The following LIMD1 variants were observed in gnomAD, a reference collection of about 807,000 sequenced individuals.
LIMD1 encodes LIM domain-containing protein 1.
LIMD1 carries 23 observed loss-of-function variants against 58.4 expected under a neutral mutation model. That is an observed-to-expected ratio of 0.39 (90% confidence interval 0.28 to 0.56). The LOEUF (loss-of-function observed/expected upper bound fraction) is 0.56, where lower values mean the gene tolerates loss of function less well. Ranked by LOEUF, LIMD1 falls within the 20% of genes least tolerant of loss-of-function variation. The probability of loss-of-function intolerance (pLI) is 0.57; values close to 1 mark genes in which losing one functional copy is unlikely to be tolerated. For missense variants in LIMD1, 838 were observed against 855.5 expected (o/e 0.98, Z 0.25); for synonymous variants, 334 against 345.5 (o/e 0.97, Z 0.37).
At chr3:45,616,483 C>T (rs1448557879) in intron 1 of LIMD1, among the ~76,000 whole-genome samples, 3 of 152,164 alleles carry the variant, frequency 2.0e-5, no homozygotes, top group Admixed American at 6.5e-5. Flanking sequence ...TCAGTGCCCC[C>T]GACCCCTTCT....
intron 1 of LIMD1, among the ~76,000 whole-genome samples, chr3:45,627,874 G>A: frequency 6.6e-6 from 1 of 151,970 alleles, no homozygotes; most frequent in South Asian, 2.1e-4. Context: ...GAGGCATGGT[G>A]TTGCACGCCT....
intron 1 of LIMD1, among the ~76,000 whole-genome samples, chr3:45,622,491 G>A (rs1179779861): frequency 6.6e-6 from 1 of 151,934 alleles, no homozygotes; most frequent in African/African-American, 2.4e-5. Context: ...TTATAAAATA[G>A]AACAATTATA....
intron 2 of LIMD1, among the ~76,000 whole-genome samples, chr3:45,654,812 C>CAAAAAAAAA (rs1227980901): frequency 7.8e-4 from 44 of 56,438 alleles, no homozygotes; most frequent in African/African-American, 1.5e-3. Context: ...GACCCTGTCT[C>CAAAAAAAAA]AAAAAAAAAA....
rs1697701209 is a variant in LIMD1 at position 45,678,598 on chromosome 3, A to C, written c.*1539A>C. On this transcript the variant is annotated 3_prime_UTR_variant, in exon 8 of 8. Transcript: ENST00000273317. ...AGAAGCTGCAAAAGAAAGGCAGCCC[A>C]TTTTACCATTGCCAGCCAGGCCGGG... 1.3e-5 allele frequency: 2 copies of C among 152,268 alleles called. No individual in the cohort carries two copies. Among genetic ancestry groups the C allele is most frequent in the Admixed American group, 6.5e-5 (1 of 15,286 alleles). The allele number at this position is 152,268 out of a possible 1,614,324, so 9.4% of individuals were successfully genotyped here. A position where few individuals can be genotyped will look rare whatever the true frequency, so the allele number is the denominator to read the frequency against.
intron 1 of LIMD1, among the ~76,000 whole-genome samples, chr3:45,633,708 A>G (rs1701759401): frequency 6.6e-6 from 1 of 152,188 alleles, no homozygotes; most frequent in Non-Finnish European, 1.5e-5. Flanking sequence ...AATTTCTCCA[A>G]TGGTCAATGT....
chr3:45,635,960 G>A (rs1701783312), intron 1 of LIMD1, 190 bp from the exon 2 acceptor site: 1 of 985,212 alleles, frequency 1.0e-6, no homozygotes, highest in Admixed American at 6.1e-5. Flanking sequence ...CAGCCTGGTA[G>A]CTGTTTTCTG....
intron 2 of LIMD1, among the ~76,000 whole-genome samples, chr3:45,649,030 G>C (rs779414228): frequency 2.0e-5 from 3 of 152,140 alleles, no homozygotes; most frequent in Non-Finnish European, 4.4e-5. Flanking sequence ...CAGCACAAAG[G>C]CTTTAAATTT....
At chr3:45,676,172 G>A (rs1697667279) in intron 7 of LIMD1, among the ~76,000 whole-genome samples, 1 of 152,032 alleles carries the variant, frequency 6.6e-6, no homozygotes, top group Admixed American at 6.5e-5. Flanking sequence ...AACGGGGGAG[G>A]TGGATGTTGC....
chr3:45,643,416 C>T (rs570007467), intron 2 of LIMD1, among the ~76,000 whole-genome samples: 11 of 151,244 alleles, frequency 7.3e-5, no homozygotes, highest in African/African-American at 2.7e-4. Context: ...ACCCAGGAGG[C>T]GGAGTTTTCA....
In LIMD1 at chr3:45,679,095, T is replaced by C. The variant is rs938065041; in HGVS notation, c.*2036T>C. 1.3e-5 allele frequency: 2 copies of C among 152,222 alleles called. No individual in the cohort carries two copies. The highest frequency in any genetic ancestry group is 2.4e-5 in the African/African-American group (1 of 41,454). 9.4% of individuals were successfully genotyped at this position (152,222 alleles called of 1,614,324 possible). A position where few individuals can be genotyped will look rare whatever the true frequency, so the allele number is the denominator to read the frequency against. On this transcript the variant is annotated 3_prime_UTR_variant, in exon 8 of 8. Transcript: ENST00000273317. ...GTCAACCTAAGAATGTTGGCCTTAC[T>C]GACACACCTTTGCTCCATGTTCAAG...
intron 1 of LIMD1, among the ~76,000 whole-genome samples, chr3:45,600,900 C>CA (rs968576193): frequency 1.3e-5 from 2 of 151,918 alleles, no homozygotes; most frequent in African/African-American, 4.8e-5. Context: ...CCCATCTCTA[C>CA]AAAAAACACA....
chr3:45,627,664 A>G (rs1319080750), intron 1 of LIMD1, among the ~76,000 whole-genome samples: 1 of 142,386 alleles, frequency 7.0e-6, no homozygotes, highest in Non-Finnish European at 1.5e-5. Flanking sequence ...CATTCTAAAG[A>G]TGGAGCATCA....
At chr3:45,660,405 CTTTTTTTTTTTTT>C (rs869301368) in intron 2 of LIMD1, among the ~76,000 whole-genome samples, 3 of 80,000 alleles carry the variant, frequency 3.7e-5, no homozygotes, top group African/African-American at 4.7e-5. Flanking sequence ...GGTGGGCTGT[CTTTTTTTTTTTTT>C]TTTTTTTTTT....
chr3:45,637,857 G>T (rs115100469), intron 2 of LIMD1, among the ~76,000 whole-genome samples: 4,598 of 152,314 alleles, frequency 0.03, 75 homozygotes, highest in Non-Finnish European at 0.041. Flanking sequence ...ACACATGCCT[G>T]AGAGTTTATG....
At chr3:45,623,163 C>G (rs918439750) in intron 1 of LIMD1, among the ~76,000 whole-genome samples, 2 of 152,204 alleles carry the variant, frequency 1.3e-5, no homozygotes, top group African/African-American at 4.8e-5. Context: ...TAGCAAGGAA[C>G]ACCTTTTTGA....
intron 5 of LIMD1, among the ~76,000 whole-genome samples, 183 bp from the exon 6 acceptor site, chr3:45,673,271 C>G (rs542969079): frequency 6.6e-6 from 1 of 152,158 alleles, no homozygotes; most frequent in Non-Finnish European, 1.5e-5. Flanking sequence ...CTCATTGCAG[C>G]TGGGGAGCAA....
chr3:45,636,080 A>G (rs142891193), intron 1 of LIMD1, 70 bp from the exon 2 acceptor site: 46,583 of 1,602,964 alleles, frequency 0.029, 841 homozygotes, highest in Non-Finnish European at 0.034. Flanking sequence ...TGCTTTGTTC[A>G]TTGGCTTTTT....
chr3:45,626,323 A>C (rs148127636), intron 1 of LIMD1, among the ~76,000 whole-genome samples: 2 of 152,324 alleles, frequency 1.3e-5, no homozygotes, highest in African/African-American at 4.8e-5. Flanking sequence ...ATAATGACAA[A>C]ATTTGGCAAG....
chr3:45,656,898 G>A (rs968872232), intron 2 of LIMD1, among the ~76,000 whole-genome samples: 1 of 152,180 alleles, frequency 6.6e-6, no homozygotes, highest in African/African-American at 2.4e-5. Context: ...TCCAGGGCTG[G>A]CTGGCTTGGG....
Sources: allele counts gnomAD v4.1 joint callset (sites outside exome capture counted in the v4.1 genomes callset), GRCh38; gene constraint gnomAD v4.1.1; transcripts MANE v1.5; gene names NCBI Gene and HGNC (gene_info 2026-07-23, HGNC 2026-07-21).